The following TNIP3 variants were observed in gnomAD, a reference collection of about 807,000 sequenced individuals.
TNIP3 encodes the protein TNFAIP3-interacting protein 3.
Under a neutral mutation model 54.1 loss-of-function variants are expected in TNIP3, and 34 were observed. The observed-to-expected ratio is 0.63, with a 90% confidence interval of 0.48 to 0.84. TNIP3 has a LOEUF of 0.84. TNIP3 is among the 40% of genes least tolerant of loss of function. The pLI is 0.00. For missense variants in TNIP3, 366 were observed against 387.6 expected (o/e 0.94, Z 0.47); for synonymous variants, 134 against 136.8 (o/e 0.98, Z 0.14).
chr4:121,149,191 TAG>T (rs1214158713), intron 6 of TNIP3, among the ~76,000 whole-genome samples: 1 of 152,172 alleles, frequency 6.6e-6, no homozygotes, highest in African/African-American at 2.4e-5. Context: ...GCGGAAGTTG[TAG>T]AGAGTGCATC....
rs571523448 is a variant in TNIP3 at position 121,163,247 on chromosome 4, C to T, written c.66+813G>A. 4.6e-5 allele frequency among the ~76,000 whole-genome samples: 7 copies of T among 152,218 alleles called. No individual in the cohort carries two copies. The South Asian group carries it at 1.2e-3, about 27-fold the overall frequency. ...AAAGCTTTCTCTGGAGATTAATCAA[C>T]ATTTTGTTATAGTTCATATGTCTCA... is the stretch of plus-strand genomic sequence containing the variant. On this transcript the variant is annotated intron_variant, in intron 1 of 10. Transcript: ENST00000057513.
intron 3 of TNIP3, among the ~76,000 whole-genome samples, chr4:121,181,860 TC>T (rs1724732481): frequency 6.6e-6 from 1 of 152,196 alleles, no homozygotes; most frequent in South Asian, 2.1e-4. Context: ...CACTCCATTA[TC>T]TCCACAATGA....
At chr4:121,199,343 G>A (rs988096350) in intron 2 of TNIP3, among the ~76,000 whole-genome samples, 1 of 152,164 alleles carries the variant, frequency 6.6e-6, no homozygotes, top group African/African-American at 2.4e-5. Flanking sequence ...AAAGCTAGTT[G>A]TTACTTAGAC....
intron 10 of TNIP3, among the ~76,000 whole-genome samples, chr4:121,133,421 C>A (rs1268378893): frequency 3.9e-5 from 6 of 152,094 alleles, no homozygotes. Flanking sequence ...GGACTGTGGT[C>A]ACTATGTTAA....
intron 4 of TNIP3, 36 bp from the exon 5 acceptor site, chr4:121,154,715 G>A: frequency 2.6e-6 from 4 of 1,560,254 alleles, no homozygotes; most frequent in Non-Finnish European, 2.6e-6. Flanking sequence ...ATAAAAGTCA[G>A]TACAAGTCAA....
chr4:121,174,431 T>TA (rs199679774), intron 3 of TNIP3, among the ~76,000 whole-genome samples: 1 of 150,224 alleles, frequency 6.7e-6, no homozygotes, highest in African/African-American at 2.5e-5. Context: ...ATAAACAAAA[T>TA]AAAAAAAATA....
chr4:121,167,589 A>G (rs1316843827), upstream of TNIP3, among the ~76,000 whole-genome samples: 1 of 152,184 alleles, frequency 6.6e-6, no homozygotes, highest in African/African-American at 2.4e-5. Flanking sequence ...ATGAAATCAT[A>G]AAAGATTTTA....
intron 1 of TNIP3, chr4:121,227,252 C>A (rs1727295785): frequency 4.4e-6 from 3 of 686,890 alleles, no homozygotes; most frequent in Non-Finnish European, 7.1e-6. Flanking sequence ...GTTAATATTA[C>A]TGAGTTCCTG....
Position 121,163,896 on chromosome 4 carries a change from AT to A in TNIP3, c.66+163del, listed in dbSNP as rs1730606743. Among the ~76,000 whole-genome samples, 3 of 152,270 alleles carry A rather than the reference AT, an allele frequency of 2.0e-5. No homozygotes were observed. In the South Asian group the frequency reaches 6.2e-4, roughly 32 times the overall value. On this transcript the variant is annotated intron_variant, in intron 1 of 10. Transcript: ENST00000057513. Reference sequence around the variant, plus strand: ...AAAGCAATGTACTGGTTACTTAGATATTTTTTTCTATGTTACATAATTTTGG... The same window carrying A: ...AAAGCAATGTACTGGTTACTTAGATATTTTTTCTATGTTACATAATTTTGG...
intron 2 of TNIP3, among the ~76,000 whole-genome samples, chr4:121,187,549 ACCATGGAG>A (rs1725085472): frequency 6.6e-6 from 1 of 152,198 alleles, no homozygotes; most frequent in Non-Finnish European, 1.5e-5. Flanking sequence ...ATAAAGAAGG[ACCATGGAG>A]GGCTATGCTA....
intron 8 of TNIP3, among the ~76,000 whole-genome samples, chr4:121,142,416 A>G (rs1729173198): frequency 1.3e-5 from 2 of 152,330 alleles, no homozygotes; most frequent in Non-Finnish European, 2.9e-5. Flanking sequence ...TTAGTTTTCT[A>G]CTGTTAATTG....
At chr4:121,163,429 A>G (rs372175748) in intron 1 of TNIP3, among the ~76,000 whole-genome samples, 1 of 152,198 alleles carries the variant, frequency 6.6e-6, no homozygotes, top group Non-Finnish European at 1.5e-5. Flanking sequence ...CTGCTTACGG[A>G]ACAGTTATTC....
intron 2 of TNIP3, among the ~76,000 whole-genome samples, chr4:121,191,492 T>C (rs574150255): frequency 1.3e-5 from 2 of 152,362 alleles, no homozygotes; most frequent in East Asian, 3.9e-4. Context: ...ATTTTACAGT[T>C]GTGTCTATGT....
intron 2 of TNIP3, among the ~76,000 whole-genome samples, chr4:121,214,506 A>G (rs539949256): frequency 6.6e-6 from 1 of 152,338 alleles, no homozygotes; most frequent in East Asian, 1.9e-4. Context: ...AGAATTCTCC[A>G]TGTAGAAGGA....
chr4:121,191,937 T>C lies in TNIP3; in HGVS notation c.69-9141A>G, dbSNP rs146130017. Among the ~76,000 whole-genome samples, 444 of 152,344 alleles carry C rather than the reference T, an allele frequency of 2.9e-3. 1 individual carries two copies. The highest frequency in any genetic ancestry group is 4.5e-3 in the Non-Finnish European group (306 of 68,042). On this transcript the variant is annotated intron_variant, in intron 2 of 12. Transcript: ENST00000507879. ...GACAAAGGTGGTGATAAGGACATAA[T>C]TTTTATGAGTATATCTGGCATATTA... is the stretch of plus-strand genomic sequence containing the variant.
intron 2 of TNIP3, among the ~76,000 whole-genome samples, chr4:121,160,320 G>C (rs1730369022): frequency 6.6e-6 from 1 of 151,912 alleles, no homozygotes; most frequent in South Asian, 2.1e-4. Context: ...CTCTACTAAA[G>C]ATACAAATAT....
At chr4:121,196,979 G>T (rs1214215574) in intron 2 of TNIP3, among the ~76,000 whole-genome samples, 2 of 151,812 alleles carry the variant, frequency 1.3e-5, no homozygotes, top group Non-Finnish European at 2.9e-5. Context: ...GGTAGAATAA[G>T]AATTCAGTTT....
At chr4:121,196,104 A>T (rs898758154) in intron 2 of TNIP3, among the ~76,000 whole-genome samples, 2 of 152,182 alleles carry the variant, frequency 1.3e-5, no homozygotes, top group African/African-American at 4.8e-5. Context: ...CTGTTCTTAG[A>T]GTTGAGGGAA....
intron 2 of TNIP3, among the ~76,000 whole-genome samples, chr4:121,199,218 G>A (rs1040918330): frequency 1.3e-5 from 2 of 152,176 alleles, no homozygotes; most frequent in African/African-American, 2.4e-5. Flanking sequence ...ACACACTCAT[G>A]GAAATGGTGG....
Sources: allele counts gnomAD v4.1 joint callset (sites outside exome capture counted in the v4.1 genomes callset), GRCh38; gene constraint gnomAD v4.1.1; transcripts MANE v1.5; gene names NCBI Gene and HGNC (gene_info 2026-07-23, HGNC 2026-07-21).